The following SOX6 variants were observed in gnomAD, a reference collection of about 807,000 sequenced individuals.
SOX6 encodes the protein transcription factor SOX-6.
SOX6 carries 11 observed loss-of-function variants against 97.8 expected under a neutral mutation model. The observed-to-expected ratio is 0.11, with a 90% confidence interval of 0.07 to 0.19. The LOEUF is 0.19. Ranked by LOEUF, SOX6 falls within the 10% of genes least tolerant of loss-of-function variation. The probability of loss-of-function intolerance (pLI) is 1.00; values close to 1 mark genes in which losing one functional copy is unlikely to be tolerated. For synonymous variants in SOX6, 360 were observed against 371.4 expected (o/e 0.97, Z 0.35); for missense variants, 810 against 1,039.5 (o/e 0.78, Z 3.04).
chr11:16,444,105 T>C (rs188814057), intron 1 of SOX6, among the ~76,000 whole-genome samples: 1 of 151,552 alleles, frequency 6.6e-6, no homozygotes, highest in African/African-American at 2.4e-5. Flanking sequence ...AGATTTGGAA[T>C]AAGAAAACAA....
At chr11:16,267,254 C>T (rs1350610777) in intron 3 of SOX6, among the ~76,000 whole-genome samples, 2 of 150,890 alleles carry the variant, frequency 1.3e-5, no homozygotes, top group African/African-American at 2.4e-5. Flanking sequence ...AGAGTGAAGA[C>T]AATCTACAAA....
At chr11:16,524,831 C>T (rs1044171893) in intron 4 of SOX6, among the ~76,000 whole-genome samples, 1 of 152,166 alleles carries the variant, frequency 6.6e-6, no homozygotes, top group Non-Finnish European at 1.5e-5. Flanking sequence ...TTCTTATACA[C>T]CAATAACAGA....
Position 16,188,003 on chromosome 11 carries a change from C to T in SOX6, c.536-1048G>A, listed in dbSNP as rs565276707. ...GTGCAGAAGGAGAGACTTCCAACCT[C>T]CTTATGAAACCCCCTCATTCCTACT... On this transcript the variant is annotated intron_variant, in intron 4 of 15. Coordinates refer to ENST00000683767, the MANE Select transcript of SOX6 (RefSeq NM_001367873.1). Among the ~76,000 whole-genome samples, 30 of 152,194 alleles carry T rather than the reference C, an allele frequency of 2.0e-4. No homozygotes were observed. In the East Asian group the frequency reaches 5.6e-3, roughly 28 times the overall value.
intron 6 of SOX6, among the ~76,000 whole-genome samples, chr11:16,170,152 C>A (rs1432769690): frequency 6.6e-6 from 1 of 151,980 alleles, no homozygotes; most frequent in Non-Finnish European, 1.5e-5. Flanking sequence ...GAGACACATG[C>A]CTGTCAAGAC....
At chr11:16,563,783 T>G (rs929041576) in intron 4 of SOX6, among the ~76,000 whole-genome samples, 3 of 152,018 alleles carry the variant, frequency 2.0e-5, no homozygotes, top group Non-Finnish European at 4.4e-5. Flanking sequence ...GCAGGATAAA[T>G]TCAAAGAAAT....
chr11:16,395,333 A>T (rs771119893), intron 1 of SOX6, among the ~76,000 whole-genome samples: 3 of 151,860 alleles, frequency 2.0e-5, no homozygotes, highest in Non-Finnish European at 2.9e-5. Flanking sequence ...CCTTGCAGGG[A>T]GACAAGGTTT....
rs910846924 is a variant in SOX6, at chr11:16,607,433, T to C, written n.609+4648A>G. 3 of 152,290 alleles carry C rather than the reference T, an allele frequency of 2.0e-5. No individual in the cohort carries two copies. Among genetic ancestry groups the C allele is most frequent in the Non-Finnish European group, 4.4e-5 (3 of 68,174 alleles). 9.4% of individuals were successfully genotyped at this position (152,290 alleles called of 1,614,324 possible). A position where few individuals can be genotyped will look rare whatever the true frequency, so the allele number is the denominator to read the frequency against. On this transcript the variant is annotated intron_variant and non_coding_transcript_variant, in intron 4 of 5. Coordinates refer to the SOX6 transcript ENST00000524520. This position sits in a 1 kb window ranked among gnomAD's most constrained non-coding sequence, Gnocchi z 6.5. Reference sequence around the variant, plus strand: ...ATGGCATTAAAGAAAAAGGGAAAGATACAAATAAAAAAAATTAAAAGGAAG... The same window carrying C: ...ATGGCATTAAAGAAAAAGGGAAAGACACAAATAAAAAAAATTAAAAGGAAG...
At chr11:16,248,425 CA>C (rs1306470205) in intron 3 of SOX6, among the ~76,000 whole-genome samples, 1 of 152,200 alleles carries the variant, frequency 6.6e-6, no homozygotes, top group Non-Finnish European at 1.5e-5. Flanking sequence ...ATGACAGCTC[CA>C]CCTCTGCAGC....
intron 3 of SOX6, among the ~76,000 whole-genome samples, chr11:16,265,679 C>T (rs957263498): frequency 1.3e-5 from 2 of 151,736 alleles, no homozygotes; most frequent in Non-Finnish European, 2.9e-5. Context: ...GTTATTAAAA[C>T]TATATTTTTT....
chr11:16,382,731 G>C (rs147127675), intron 1 of SOX6, among the ~76,000 whole-genome samples: 1 of 151,738 alleles, frequency 6.6e-6, no homozygotes, highest in Non-Finnish European at 1.5e-5. Flanking sequence ...CCAATTTTAG[G>C]TGTTTTTGTG....
At chr11:16,621,602 T>C (rs1480540845) in intron 3 of SOX6, among the ~76,000 whole-genome samples, 1 of 152,214 alleles carries the variant, frequency 6.6e-6, no homozygotes. Context: ...TATGTACATG[T>C]AGATACTATG....
chr11:16,107,937 A>C (rs1338188324), intron 7 of SOX6, among the ~76,000 whole-genome samples: 1 of 152,148 alleles, frequency 6.6e-6, no homozygotes, highest in Non-Finnish European at 1.5e-5. Context: ...ATGTAGTTTA[A>C]CAGGCTAAAG....
At chr11:16,011,158 G>T (rs1447975844) in intron 13 of SOX6, among the ~76,000 whole-genome samples, 1 of 151,988 alleles carries the variant, frequency 6.6e-6, no homozygotes, top group Non-Finnish European at 1.5e-5. Context: ...AAGAAAAGGG[G>T]AAATGCCATA....
At chr11:16,736,172 T>C (rs1848390092) in intron 2 of SOX6, among the ~76,000 whole-genome samples, 1 of 152,164 alleles carries the variant, frequency 6.6e-6, no homozygotes, top group African/African-American at 2.4e-5. Context: ...TGGCAGGCAT[T>C]GCGCCAGAAA....
intron 3 of SOX6, among the ~76,000 whole-genome samples, chr11:16,275,203 A>G (rs1488245950): frequency 6.6e-6 from 1 of 151,538 alleles, no homozygotes; most frequent in African/African-American, 2.4e-5. Context: ...ACCTCTTAGG[A>G]GCCCGAGGCG....
At position 16,586,329 on chromosome 11, in the gene SOX6, G is replaced by C. The variant is rs1371729292; in HGVS notation, n.609+25752C>G. On this transcript the variant is annotated intron_variant and non_coding_transcript_variant, in intron 4 of 5. Coordinates refer to the SOX6 transcript ENST00000524520. ...TAATAAGAGGTGGGGAGAAATTAAAGAAAAAAAGGAAAGAAAACAAGTGTT... is the reference window on the plus strand; with the variant it reads ...TAATAAGAGGTGGGGAGAAATTAAACAAAAAAAGGAAAGAAAACAAGTGTT... 5.3e-5 allele frequency among the ~76,000 whole-genome samples: 8 copies of C among 151,918 alleles called. No individual in the cohort carries two copies. In the East Asian group the frequency reaches 1.5e-3, roughly 29 times the overall value.
At chr11:16,624,592 T>C (rs1291880039) in intron 3 of SOX6, among the ~76,000 whole-genome samples, 3 of 152,230 alleles carry the variant, frequency 2.0e-5, no homozygotes, top group Non-Finnish European at 2.9e-5. Flanking sequence ...AAAACTGCTA[T>C]AAACATTCTT....
chr11:16,107,364 TAAAC>T (rs944505809), intron 7 of SOX6, among the ~76,000 whole-genome samples: 3 of 148,430 alleles, frequency 2.0e-5, no homozygotes, highest in Admixed American at 1.4e-4. Context: ...GATGAACAGA[TAAAC>T]AAAATGTGAT....
intron 14 of SOX6, among the ~76,000 whole-genome samples, chr11:15,986,758 A>G (rs1392567931): frequency 2.0e-5 from 3 of 152,180 alleles, no homozygotes; most frequent in Non-Finnish European, 4.4e-5. Flanking sequence ...TAAACCTCCT[A>G]AGCATACTTT....
Sources: gnomAD v4.1 joint callset for allele counts (sites outside exome capture counted in the v4.1 genomes callset) on GRCh38, gnomAD v4.1.1 for gene constraint, Gnocchi (gnomAD v3.1) non-coding constraint, MANE v1.5 for transcripts, NCBI Gene and HGNC (gene_info 2026-07-23, HGNC 2026-07-21) for gene names.